ZNF717: variants seen among roughly 807,000 people sequenced by gnomAD.
ZNF717 encodes zinc finger protein 717.
A neutral mutation model predicts 13.8 loss-of-function variants in ZNF717; 9 were observed. The observed-to-expected ratio is 0.65, with a 90% CI of 0.39 to 1.14. ZNF717 has a LOEUF of 1.14. ZNF717 is among the 50% of genes most tolerant of loss of function. ZNF717 has a pLI of 0.01. For missense variants in ZNF717, 1,040 were observed against 1,080.7 expected (o/e 0.96, Z 0.53); for synonymous variants, 327 against 364.1 (o/e 0.90, Z 1.16).
rs570436390 is a variant in ZNF717 at position 75,765,284 on chromosome 3, T to G, written c.57+18022A>C. On this transcript the variant is annotated intron_variant, in intron 2 of 4. Coordinates refer to ENST00000652011, the MANE Select transcript of ZNF717 (RefSeq NM_001290208.3). Reference sequence around the variant, plus strand: ...AGAGCTTTCCAAGATAAAAAAAAAATCTAGAAATCTGCTACACAACACTGT... The same window carrying G: ...AGAGCTTTCCAAGATAAAAAAAAAAGCTAGAAATCTGCTACACAACACTGT... Among the ~76,000 whole-genome samples, 39 of 73,218 alleles carry G rather than the reference T, an allele frequency of 5.3e-4. No individual in the cohort carries two copies. In the East Asian group the frequency reaches 0.012, roughly 22 times the overall value. The allele number at this position is 73,218 out of a possible 152,430, so 48.0% of individuals were successfully genotyped here. A position where few individuals can be genotyped will look rare whatever the true frequency, so the allele number is the denominator to read the frequency against.
chr3:75,737,647 T>C lies in ZNF717; in HGVS notation c.1976A>G (p.Lys659Arg). Residue 659 changes from lysine to arginine, a missense_variant, in exon 5 of 5, where the codon AAG becomes AGG. Coordinates refer to ENST00000652011, the MANE Select transcript of ZNF717 (RefSeq NM_001290208.3). ...CNECGKTFHR[K>R]SFLTIHQRTH... ...TCTCTGGTGTATGGTGAGGAATGAC[T>C]TGCGATGAAAGGTTTTTCCACATTC... is the stretch of plus-strand genomic sequence containing the variant. 1.3e-6 allele frequency: 2 copies of C among 1,543,222 alleles called. No individual in the cohort carries two copies. Among genetic ancestry groups the C allele is most frequent in the Non-Finnish European group, 1.8e-6 (2 of 1,142,332 alleles).
chr3:75,779,836 A>C (rs1384376895), intron 2 of ZNF717, among the ~76,000 whole-genome samples: 2 of 151,616 alleles, frequency 1.3e-5, no homozygotes, highest in African/African-American at 4.9e-5. Flanking sequence ...CCAGAAACCC[A>C]AAACAATGGG....
chr3:75,782,467 T>C (rs1944888952), intron 2 of ZNF717, among the ~76,000 whole-genome samples: 1 of 152,258 alleles, frequency 6.6e-6, no homozygotes, highest in Non-Finnish European at 1.5e-5. Context: ...CAATGGAAGC[T>C]GTGCTTTGGC....
chr3:75,756,463 C>A (rs1942483632), intron 2 of ZNF717, among the ~76,000 whole-genome samples: 1 of 152,182 alleles, frequency 6.6e-6, no homozygotes, highest in Non-Finnish European at 1.5e-5. Flanking sequence ...GCAAGACAGG[C>A]CAGTAGCTAG....
chr3:75,713,213 C>T (rs1401072179), intron 5 of ZNF717, among the ~76,000 whole-genome samples: 1 of 152,098 alleles, frequency 6.6e-6, no homozygotes, highest in Non-Finnish European at 1.5e-5. Flanking sequence ...TGCAGTGGCA[C>T]AATCACAGTT....
downstream of ZNF717, among the ~76,000 whole-genome samples, chr3:75,733,878 A>G (rs1175658086): frequency 1.4e-3 from 216 of 151,938 alleles, 1 homozygote; most frequent in African/African-American, 5.0e-3. Context: ...GGAAAAAAAA[A>G]AAACCATCAA....
At chr3:75,772,917 C>A (rs1266235086) in intron 2 of ZNF717, among the ~76,000 whole-genome samples, 1 of 152,178 alleles carries the variant, frequency 6.6e-6, no homozygotes, top group Admixed American at 6.5e-5. Flanking sequence ...TTCAGACCTC[C>A]ATGGATTTGT....
At chr3:75,779,817 C>T (rs1386631600) in intron 2 of ZNF717, among the ~76,000 whole-genome samples, 9 of 142,710 alleles carry the variant, frequency 6.3e-5, no homozygotes, top group Non-Finnish European at 9.1e-5. Flanking sequence ...ATGGGAGTGT[C>T]GTGCTAAACC....
At chr3:75,741,830 G>A (rs73843032) in intron 2 of ZNF717, 94 bp from the exon 3 acceptor site, 1 of 1,493,440 alleles carries the variant, frequency 6.7e-7, no homozygotes, top group Non-Finnish European at 9.0e-7. Context: ...CCTCCCAGGT[G>A]AAGTGCACAG....
chr3:75,734,971 G>A (rs1468778939), downstream of ZNF717, among the ~76,000 whole-genome samples: 14 of 151,714 alleles, frequency 9.2e-5, no homozygotes, highest in South Asian at 2.1e-4. Context: ...GACTACAGGC[G>A]TGTGCCACCA....
intron 2 of ZNF717, among the ~76,000 whole-genome samples, chr3:75,745,881 T>TA (rs1941121195): frequency 2.7e-5 from 4 of 150,914 alleles, no homozygotes; most frequent in Admixed American, 6.6e-5. Flanking sequence ...TTATATATAT[T>TA]TTTTTATTAT....
At chr3:75,705,605 C>A (rs1390588834), downstream of ZNF717, among the ~76,000 whole-genome samples, 1 of 152,262 alleles carries the variant, frequency 6.6e-6, no homozygotes, top group Non-Finnish European at 1.5e-5. Flanking sequence ...TGGTCATCCT[C>A]TTCTCCCTCC....
rs2918519 is a variant in ZNF717, at chr3:75,741,362, T to C, written c.191A>G (p.Tyr64Cys). Residue 64 changes from tyrosine (Y) to cysteine (C), a missense_variant, in exon 4 of 5, where the codon TAC (tyrosine) becomes TGC (cysteine). By Grantham distance (194) the Tyr-to-Cys change is radical. This residue lies in a region of ZNF717 where 123 missense variants were observed against 177.8 expected (regional missense o/e 0.69). Transcript: ENST00000652011. Reference protein sequence around the residue: ...TYSSLVSLGHYITKPEMIFKL... With the variant: ...TYSSLVSLGHCITKPEMIFKL... ...GAAGATCATCTCAGGTTTGGTAATG[T>C]AATGCCCTGGTAATGAGAAACAATG... The C allele has an allele frequency of 0.84, 1,279,615 of 1,515,380 alleles. 531,993 individuals carry two copies. Among genetic ancestry groups the C allele is most frequent in the Middle Eastern group, 0.91 (5,430 of 5,938 alleles). 93.9% of individuals were successfully genotyped at this position (1,515,380 alleles called of 1,614,324 possible). A position where few individuals can be genotyped will look rare whatever the true frequency, so the allele number is the denominator to read the frequency against.
In ZNF717 at chr3:75,737,545, A is replaced by T; in HGVS notation, c.2078T>A (p.Ile693Asn). Reference protein sequence around the residue: ...LFVRNHTLLYIRELTPGKSPM... With the variant: ...LFVRNHTLLYNRELTPGKSPM... ...GCTTTTCCCCGGTGTGAGTTCTCTG[A>T]TGTATAATAAGGTATGATTTCTGAC... Residue 693 changes from isoleucine to asparagine, a missense_variant, in exon 5 of 5, where the codon ATC becomes AAC. Coordinates refer to ENST00000652011, the MANE Select transcript of ZNF717 (RefSeq NM_001290208.3). 2 of 1,552,610 alleles carry T rather than the reference A, an allele frequency of 1.3e-6. No individual in the cohort carries two copies. Among genetic ancestry groups the T allele is most frequent in the South Asian group, 1.2e-5 (1 of 84,108 alleles).
intron 2 of ZNF717, among the ~76,000 whole-genome samples, chr3:75,764,403 C>A (rs6549787): frequency 2.0e-5 from 3 of 150,676 alleles, no homozygotes; most frequent in Non-Finnish European, 3.0e-5. Context: ...AACCTGGACC[C>A]CAATTCTACC....
chr3:75,739,615 T>C (rs537578241), intron 4 of ZNF717, among the ~76,000 whole-genome samples: 274 of 152,362 alleles, frequency 1.8e-3, no homozygotes, highest in African/African-American at 5.9e-3. Context: ...GGTAATAATA[T>C]GCATCTACTT....
intron 2 of ZNF717, among the ~76,000 whole-genome samples, chr3:75,766,782 T>C (rs898009545): frequency 6.6e-6 from 1 of 152,258 alleles, no homozygotes; most frequent in Non-Finnish European, 1.5e-5. Flanking sequence ...GTATGCAAAG[T>C]ATGTTGTCTC....
intron 2 of ZNF717, among the ~76,000 whole-genome samples, chr3:75,743,604 T>C (rs1440781152): frequency 0.01 from 1,577 of 152,244 alleles, 7 homozygotes; most frequent in South Asian, 0.047. Flanking sequence ...GGAAAGGGCT[T>C]AAGGGAAAGC....
rs60898267 is a variant in ZNF717 at position 75,758,853 on chromosome 3, A to AT, written c.58-17118dup. On this transcript the variant is annotated intron_variant, in intron 2 of 4. Coordinates refer to ENST00000652011, the MANE Select transcript of ZNF717 (RefSeq NM_001290208.3). ...ACACCATCTCTACAAAAAAAAAAAA[A>AT]TTAGCTGCACATGGTGGCACGCACC... Among the ~76,000 whole-genome samples the AT allele has an allele frequency of 1.6e-3, 241 of 152,022 alleles. 8 individuals are homozygous for AT. Among genetic ancestry groups the AT allele is most frequent in the Admixed American group, 0.016 (238 of 15,268 alleles).
Sources: gnomAD v4.1 joint callset for allele counts (sites outside exome capture counted in the v4.1 genomes callset) on GRCh38, gnomAD v4.1.1 for gene constraint, gnomAD v4.1.1 regional missense constraint, MANE v1.5 for transcripts, NCBI Gene and HGNC (gene_info 2026-07-23, HGNC 2026-07-21) for gene names.